CEMIP: variants seen among roughly 807,000 people sequenced by gnomAD.
The protein encoded by CEMIP is cell migration-inducing and hyaluronan-binding protein.
Under a neutral mutation model 156.9 loss-of-function variants are expected in CEMIP, and 105 were observed. The ratio of observed to expected loss-of-function variants is 0.67; its 90% CI spans 0.57 to 0.79. The LOEUF is 0.79. Among genes scored for constraint, CEMIP ranks in the 30% least tolerant of loss-of-function variants. The probability of loss-of-function intolerance (pLI) is 0.00; values close to 1 mark genes in which losing one functional copy is unlikely to be tolerated. For missense variants in CEMIP, 1,457 were observed against 1,769.4 expected (o/e 0.82, Z 3.17); for synonymous variants, 676 against 668.4 (o/e 1.01, Z -0.17).
At chr15:80,890,424 CAA>C (rs35179100) in intron 10 of CEMIP, among the ~76,000 whole-genome samples, 24 of 121,648 alleles carry the variant, frequency 2.0e-4, no homozygotes, top group South Asian at 5.1e-4. Context: ...ACTAAAAATA[CAA>C]AAAAAAAAAA....
chr15:80,859,857 G>A (rs117216581), intron 1 of CEMIP, among the ~76,000 whole-genome samples: 1 of 152,180 alleles, frequency 6.6e-6, no homozygotes, highest in African/African-American at 2.4e-5. Context: ...CTCTAGAAGG[G>A]TTTTACCTGC....
intron 1 of CEMIP, among the ~76,000 whole-genome samples, chr15:80,832,603 C>G (rs905376212): frequency 6.6e-6 from 1 of 152,054 alleles, no homozygotes; most frequent in African/African-American, 2.4e-5. Flanking sequence ...AAGCTGGAGG[C>G]AGTTAATATG....
chr15:80,860,342 T>C (rs1211021806), intron 1 of CEMIP, among the ~76,000 whole-genome samples: 1 of 152,206 alleles, frequency 6.6e-6, no homozygotes, highest in East Asian at 1.9e-4. Flanking sequence ...GAATCCAGCC[T>C]TCTTGGACCC....
chr15:80,783,513 G>A (rs1895849978), intron 1 of CEMIP, among the ~76,000 whole-genome samples: 1 of 152,194 alleles, frequency 6.6e-6, no homozygotes, highest in South Asian at 2.1e-4. Flanking sequence ...TATCTGGTTG[G>A]GTTGGCAGGA....
At chr15:80,934,098 T>C (rs1373788308) in intron 23 of CEMIP, among the ~76,000 whole-genome samples, 2 of 152,200 alleles carry the variant, frequency 1.3e-5, no homozygotes, top group East Asian at 1.9e-4. Flanking sequence ...AAGGGAAGTG[T>C]AGTCCTACTG....
Position 80,881,137 on chromosome 15 carries a change from G to C in CEMIP, c.617+1G>C. ...CAGGCACAGTCATCCATTCTGACCG[G>C]TAAGGTTTGCCTTCACTTAAACGTA... is the stretch of plus-strand genomic sequence containing the variant. On this transcript the variant is annotated splice_donor_variant, in intron 6 of 29. Coordinates refer to ENST00000394685, the MANE Select transcript of CEMIP (RefSeq NM_001293298.2). LOFTEE classifies it high-confidence loss of function. 6.2e-7 allele frequency: 1 copy of C among 1,612,890 alleles called. No individual in the cohort carries two copies. Among genetic ancestry groups the C allele is most frequent in the Non-Finnish European group, 8.5e-7 (1 of 1,178,866 alleles).
At chr15:80,843,042 A>C (rs1013483771) in intron 1 of CEMIP, among the ~76,000 whole-genome samples, 3 of 152,214 alleles carry the variant, frequency 2.0e-5, no homozygotes, top group Non-Finnish European at 4.4e-5. Context: ...TGGACCATAC[A>C]AGGTGACCTT....
intron 1 of CEMIP, among the ~76,000 whole-genome samples, chr15:80,817,578 G>C (rs1359211542): frequency 1.3e-5 from 2 of 149,832 alleles, no homozygotes; most frequent in African/African-American, 4.9e-5. Context: ...TCCAGCCTGA[G>C]TGACAGAGTG....
chr15:80,822,728 A>G (rs1896940475), intron 1 of CEMIP, among the ~76,000 whole-genome samples: 1 of 152,094 alleles, frequency 6.6e-6, no homozygotes, highest in Non-Finnish European at 1.5e-5. Context: ...TTGGCTAACG[A>G]TTTGGTTTTA....
chr15:80,854,710 T>C (rs956513846), intron 1 of CEMIP, among the ~76,000 whole-genome samples: 6 of 152,150 alleles, frequency 3.9e-5, no homozygotes, highest in Admixed American at 1.3e-4. Context: ...AGATACTTAA[T>C]AGCCTTATAA....
rs749110354 is a variant in CEMIP, at chr15:80,880,884, C to G, written c.381-16C>G. 6 of 1,603,546 alleles carry G rather than the reference C, an allele frequency of 3.7e-6. No homozygotes were observed. Among genetic ancestry groups the G allele is most frequent in the East Asian group, 2.2e-5 (1 of 44,818 alleles). On this transcript the variant is annotated splice_polypyrimidine_tract_variant and intron_variant, in intron 5 of 29. Transcript: ENST00000394685. The stretch of plus-strand genomic sequence containing the variant: ...AGATGTGTCAGCCAACTCTGGGGAG[C>G]TGTTTTCTCTTGCAGGGCTGATGAA...
intron 1 of CEMIP, among the ~76,000 whole-genome samples, chr15:80,826,970 G>A (rs1897051379): frequency 6.6e-6 from 1 of 152,190 alleles, no homozygotes; most frequent in South Asian, 2.1e-4. Context: ...GGCCCATTTA[G>A]AGGTTGTGTT....
At chr15:80,881,612 G>C (rs978434908) in intron 6 of CEMIP, among the ~76,000 whole-genome samples, 21 of 152,226 alleles carry the variant, frequency 1.4e-4, no homozygotes. Context: ...TGGGAGCACA[G>C]CGAGTGGCGG....
chr15:80,872,754 G>A (rs1898339179), intron 1 of CEMIP, among the ~76,000 whole-genome samples: 1 of 151,980 alleles, frequency 6.6e-6, no homozygotes, highest in South Asian at 2.1e-4. Context: ...GGTAGAGGTT[G>A]CAGTGAGCCG....
At position 80,851,496 on chromosome 15, in the gene CEMIP, C is replaced by T. The variant is rs574129894; in HGVS notation, c.-175-22042C>T. ...TTCATGTTCTAGCATGGGAAATTCA[C>T]GTAATAAAATTCTATAATAATAAGA... On this transcript the variant is annotated intron_variant, in intron 1 of 29. Transcript: ENST00000394685. Among the ~76,000 whole-genome samples the T allele has an allele frequency of 1.6e-4, 24 of 152,162 alleles. No homozygotes were observed. The East Asian group carries it at 3.3e-3, about 21-fold the overall frequency.
At position 80,946,960 on chromosome 15, in the gene CEMIP, C is replaced by T; in HGVS notation, c.3858-5C>T. Reference sequence around the variant, plus strand: ...CTCTGGTCTAATTGGTTTCTTCTCACACAGTTCCATAGTGCTTATGGCATC... The same window carrying T: ...CTCTGGTCTAATTGGTTTCTTCTCATACAGTTCCATAGTGCTTATGGCATC... On this transcript the variant is annotated splice_region_variant and splice_polypyrimidine_tract_variant and intron_variant, in intron 28 of 29. Transcript: ENST00000394685. The T allele has an allele frequency of 1.2e-6, 2 of 1,604,436 alleles. No individual in the cohort carries two copies. The highest frequency in any genetic ancestry group is 1.3e-5 in the African/African-American group (1 of 74,802).
At chr15:80,846,132 C>G (rs1010616654) in intron 1 of CEMIP, among the ~76,000 whole-genome samples, 1 of 152,210 alleles carries the variant, frequency 6.6e-6, no homozygotes, top group Non-Finnish European at 1.5e-5. Flanking sequence ...AGGGGAGACA[C>G]TTGGGAAGCA....
chr15:80,833,438 CG>C (rs1897200426), intron 1 of CEMIP, among the ~76,000 whole-genome samples: 1 of 152,116 alleles, frequency 6.6e-6, no homozygotes, highest in African/African-American at 2.4e-5. Context: ...ATTTTTGAAA[CG>C]TAAGAACTCA....
chr15:80,932,898 T>TCA lies in CEMIP; in HGVS notation c.2794-340_2794-339dup, dbSNP rs1040024861. 6.6e-6 allele frequency among the ~76,000 whole-genome samples: 1 copy of TCA among 152,132 alleles called. No individual in the cohort carries two copies. The highest frequency in any genetic ancestry group is 1.5e-5 in the Non-Finnish European group (1 of 68,032). On this transcript the variant is annotated intron_variant, in intron 22 of 29. Transcript: ENST00000394685. The surrounding 1 kb of genome is among the most constrained non-coding windows in gnomAD (Gnocchi z 4.5). ...TACACACATCACCCCCACCTCCCTCTCACACACAGTCACACTCACAGTCCT... is the reference window on the plus strand; with the variant it reads ...TACACACATCACCCCCACCTCCCTCTCACACACACAGTCACACTCACAGTCCT...
Sources: allele counts gnomAD v4.1 joint callset (sites outside exome capture counted in the v4.1 genomes callset), GRCh38; gene constraint gnomAD v4.1.1; non-coding constraint Gnocchi (gnomAD v3.1); transcripts MANE v1.5; gene names NCBI Gene and HGNC (gene_info 2026-07-23, HGNC 2026-07-21).